The following PDE5A variants were observed in gnomAD, a reference collection of about 807,000 sequenced individuals.
PDE5A encodes the protein phosphodiesterase 5A.
A neutral mutation model predicts 110.2 loss-of-function variants in PDE5A; 67 were observed. That is an observed-to-expected ratio of 0.61 (90% confidence interval 0.50 to 0.75). The LOEUF (loss-of-function observed/expected upper bound fraction) is 0.75. Among genes scored for constraint, PDE5A ranks in the 30% least tolerant of loss-of-function variants. PDE5A has a pLI of 0.00. For synonymous variants in PDE5A, 328 were observed against 351.2 expected (o/e 0.93, Z 0.74); for missense variants, 862 against 1,045.1 (o/e 0.82, Z 2.42).
At chr4:119,612,929 A>G (rs1173552399) in intron 1 of PDE5A, among the ~76,000 whole-genome samples, 1 of 152,234 alleles carries the variant, frequency 6.6e-6, no homozygotes, top group African/African-American at 2.4e-5. Context: ...GACAATTAAG[A>G]GTTATGCCCA....
intron 1 of PDE5A, among the ~76,000 whole-genome samples, chr4:119,623,617 G>T (rs1323888664): frequency 6.6e-6 from 1 of 152,160 alleles, no homozygotes; most frequent in Non-Finnish European, 1.5e-5. Context: ...TATTTCAAAA[G>T]AAATAATACT....
chr4:119,600,648 G>T (rs1452385628), intron 2 of PDE5A, among the ~76,000 whole-genome samples: 2 of 152,054 alleles, frequency 1.3e-5, no homozygotes, highest in Non-Finnish European at 2.9e-5. Flanking sequence ...TTGAACATCA[G>T]CATAAAGATA....
In PDE5A at chr4:119,502,706, T is replaced by C. The variant is rs536436236; in HGVS notation, c.2332-51A>G. The C allele has an allele frequency of 4.2e-6, 5 of 1,198,914 alleles. No homozygotes were observed. In the African/African-American group the frequency reaches 7.5e-5, roughly 18 times the overall value. 74.3% of individuals were successfully genotyped at this position (1,198,914 alleles called of 1,614,324 possible). A position where few individuals can be genotyped will look rare whatever the true frequency, so the allele number is the denominator to read the frequency against. ...TGACAATGAAAAGCATATCATTCTT[T>C]AAAACAGAGACCGTGAATGAAGGCC... is the stretch of plus-strand genomic sequence containing the variant. On this transcript the variant is annotated intron_variant, in intron 18 of 20. Coordinates refer to ENST00000354960, the MANE Select transcript of PDE5A (RefSeq NM_001083.4).
intron 11 of PDE5A, among the ~76,000 whole-genome samples, chr4:119,537,354 T>C (rs1275160642): frequency 6.6e-6 from 1 of 152,084 alleles, no homozygotes; most frequent in Admixed American, 6.6e-5. Context: ...TCCCTGAAAC[T>C]GCGTTCTCAA....
At chr4:119,528,921 C>T (rs1458690214) in intron 11 of PDE5A, 4 of 152,146 alleles carry the variant, frequency 2.6e-5, no homozygotes, top group East Asian at 1.9e-4. Flanking sequence ...TTTTCATGCT[C>T]GATTCCATAC....
chr4:119,592,375 G>A (rs993643511), intron 3 of PDE5A, among the ~76,000 whole-genome samples: 11 of 144,606 alleles, frequency 7.6e-5, no homozygotes, highest in Non-Finnish European at 1.2e-4. Context: ...GGAGAATGGC[G>A]CAAACCCGGG....
chr4:119,618,729 T>C (rs1730031574), intron 1 of PDE5A, among the ~76,000 whole-genome samples: 1 of 152,100 alleles, frequency 6.6e-6, no homozygotes, highest in South Asian at 2.1e-4. Flanking sequence ...TAATTACCTA[T>C]GATGAACACC....
intron 1 of PDE5A, among the ~76,000 whole-genome samples, chr4:119,621,083 T>G (rs1730126034): frequency 6.6e-6 from 1 of 152,250 alleles, no homozygotes; most frequent in Non-Finnish European, 1.5e-5. Flanking sequence ...AGAATGTATT[T>G]TGGCATTACA....
intron 13 of PDE5A, 54 bp from the exon 14 acceptor site, chr4:119,519,193 G>A (rs1053378301): frequency 1.6e-6 from 2 of 1,249,674 alleles, no homozygotes; most frequent in Admixed American, 1.7e-5. Flanking sequence ...TGTGGTGAAG[G>A]ACATTATATT....
intron 7 of PDE5A, among the ~76,000 whole-genome samples, chr4:119,555,137 C>T (rs1180744962): frequency 6.6e-6 from 1 of 152,166 alleles, no homozygotes; most frequent in Non-Finnish European, 1.5e-5. Flanking sequence ...TGGCCTGGTT[C>T]CTGGTCAAAA....
intron 3 of PDE5A, among the ~76,000 whole-genome samples, chr4:119,587,773 C>A (rs1437548446): frequency 6.6e-6 from 1 of 152,198 alleles, no homozygotes; most frequent in South Asian, 2.1e-4. Flanking sequence ...TTAAACTCTG[C>A]TTATTTTTGC....
chr4:119,603,232 GC>G (rs1729405208), intron 2 of PDE5A, among the ~76,000 whole-genome samples: 1 of 152,086 alleles, frequency 6.6e-6, no homozygotes, highest in African/African-American at 2.4e-5. Flanking sequence ...ATTCATAAAT[GC>G]CGTGCCAAGC....
At chr4:119,566,619 C>T (rs62319608) in intron 4 of PDE5A, among the ~76,000 whole-genome samples, 1 of 152,136 alleles carries the variant, frequency 6.6e-6, no homozygotes, top group African/African-American at 2.4e-5. Context: ...TACCTTGGCG[C>T]CCCACTGTCT....
chr4:119,600,695 G>A (rs1016178209), intron 2 of PDE5A, among the ~76,000 whole-genome samples: 14 of 152,058 alleles, frequency 9.2e-5, no homozygotes, highest in Non-Finnish European at 2.1e-4. Flanking sequence ...AATATTACAC[G>A]AGTCCATAAT....
intron 2 of PDE5A, among the ~76,000 whole-genome samples, chr4:119,596,846 A>G (rs761225175): frequency 6.6e-6 from 1 of 152,070 alleles, no homozygotes; most frequent in African/African-American, 2.4e-5. Flanking sequence ...AAAAATACAG[A>G]CTCGAACAAA....
intron 11 of PDE5A, among the ~76,000 whole-genome samples, chr4:119,533,032 C>G (rs539690684): frequency 6.6e-6 from 1 of 152,204 alleles, no homozygotes; most frequent in African/African-American, 2.4e-5. Context: ...AAAAGAATGG[C>G]AGTAATGGAA....
Position 119,627,582 on chromosome 4 carries a change from ATCAATTCC to A in PDE5A, c.152+930_152+937del, listed in dbSNP as rs1730406598. 6.6e-6 allele frequency: 1 copy of A among 152,650 alleles called. No homozygotes were observed. Among genetic ancestry groups the A allele is most frequent in the African/African-American group, 2.4e-5 (1 of 41,458 alleles). The allele number at this position is 152,650 out of a possible 1,614,324, so 9.5% of individuals were successfully genotyped here. On this transcript the variant is annotated intron_variant, in intron 1 of 20. Coordinates refer to ENST00000354960, the MANE Select transcript of PDE5A (RefSeq NM_001083.4). This position sits in a 1 kb window ranked among gnomAD's most constrained non-coding sequence, Gnocchi z 4.6. ...TGGAGTCCACGCACCCCGACTATGC[ATCAATTCC>A]TCAGGCTTCGGGGCACCCGCCCGCC...
intron 8 of PDE5A, among the ~76,000 whole-genome samples, 198 bp downstream of exon 8, chr4:119,553,440 G>C (rs1358116322): frequency 6.6e-6 from 1 of 152,028 alleles, no homozygotes; most frequent in Non-Finnish European, 1.5e-5. Context: ...GGTGAAAAAA[G>C]TACAAAGAAA....
intron 1 of PDE5A, among the ~76,000 whole-genome samples, chr4:119,611,470 CG>C (rs377132800): frequency 0.14 from 20,559 of 152,174 alleles, 1,471 homozygotes; most frequent in Non-Finnish European, 0.15. Context: ...AGAAAATCAA[CG>C]TTGTGTTTTA....
Sources: allele counts gnomAD v4.1 joint callset (sites outside exome capture counted in the v4.1 genomes callset), GRCh38; gene constraint gnomAD v4.1.1; non-coding constraint Gnocchi (gnomAD v3.1); transcripts MANE v1.5; gene names NCBI Gene and HGNC (gene_info 2026-07-23, HGNC 2026-07-21).